The following RNF40 variants were observed in gnomAD, a reference collection of about 807,000 sequenced individuals.
The protein encoded by RNF40 is ring finger protein 40.
Under a neutral mutation model 123.3 loss-of-function variants are expected in RNF40, and 39 were observed. The observed-to-expected ratio is 0.32, with a 90% CI of 0.24 to 0.41. The LOEUF is 0.41. Ranked by LOEUF, RNF40 falls within the 10% of genes least tolerant of loss-of-function variation. The pLI is 1.00. For synonymous variants in RNF40, 538 were observed against 526.0 expected (o/e 1.02, Z -0.31); for missense variants, 1,003 against 1,319.9 (o/e 0.76, Z 3.72).
Position 30,769,312 on chromosome 16 carries a change from G to A in RNF40, c.2374G>A (p.Glu792Lys). The part of the protein sequence containing the change: ...KDDANFKLMS[E>K]RIKANQIHKL... ...TGATGCCAACTTTAAGCTAATGTCAGAGCGGATCAAGGCCAACCAGATTCA... is the reference window on the plus strand; with the variant it reads ...TGATGCCAACTTTAAGCTAATGTCAAAGCGGATCAAGGCCAACCAGATTCA... The change falls in exon 16 of 20, where the codon GAG (glutamate) becomes AAG (lysine). Residue 792 changes from glutamate (E) to lysine (K), a missense_variant. Glu to Lys is a moderately conservative substitution (Grantham distance 56). Around this residue, in one of 11 missense-constraint regions of RNF40, gnomAD observed 25 missense variants for 72.6 expected, o/e 0.34. Transcript: ENST00000324685. 6.2e-7 allele frequency: 1 copy of A among 1,614,254 alleles called. No homozygotes were observed. The highest frequency in any genetic ancestry group is 8.5e-7 in the Non-Finnish European group (1 of 1,180,048).
rs1428590047 is a variant in RNF40 at position 30,771,973 on chromosome 16, G to A, written c.2727G>A (p.Gln909=). Residue 909 remains glutamine, a splice_region_variant and synonymous_variant, in exon 18 of 20, where the codon CAG becomes CAA. Transcript: ENST00000324685. ...EKESFNLKRA[Q]EDISRLRRKL... Reference sequence around the variant, plus strand: ...AGAGCTTCAACCTCAAGAGGGCTCAGGTGTGTGCAGGGGTGAGGGGCCAGG... The same window carrying A: ...AGAGCTTCAACCTCAAGAGGGCTCAAGTGTGTGCAGGGGTGAGGGGCCAGG... 2 of 1,592,480 alleles carry A rather than the reference G, an allele frequency of 1.3e-6. No individual in the cohort carries two copies. Among genetic ancestry groups the A allele is most frequent in the East Asian group, 2.2e-5 (1 of 44,630 alleles).
Position 30,766,112 on chromosome 16 carries a change from C to G in RNF40, c.994-51C>G. 6.2e-7 allele frequency: 1 copy of G among 1,612,010 alleles called. No homozygotes were observed. The highest frequency in any genetic ancestry group is 8.5e-7 in the Non-Finnish European group (1 of 1,179,230). ...TGTATGCTGGGGATGTAAGGGAGGC[C>G]TGCTGCCACGTCTGGCCCTGCCTCC... On this transcript the variant is annotated intron_variant, in intron 8 of 19. Coordinates refer to ENST00000324685, the MANE Select transcript of RNF40 (RefSeq NM_014771.4). The surrounding 1 kb of genome is among the most constrained non-coding windows in gnomAD (Gnocchi z 5.4).
intron 19 of RNF40, among the ~76,000 whole-genome samples, chr16:30,773,031 G>A (rs1201161321): frequency 6.6e-6 from 1 of 152,180 alleles, no homozygotes; most frequent in Non-Finnish European, 1.5e-5. Flanking sequence ...GTACCATTTA[G>A]GGGGTTAGGA....
upstream of RNF40, chr16:30,762,251 T>G (rs2053853247): frequency 4.8e-6 from 2 of 419,546 alleles, no homozygotes; most frequent in South Asian, 8.9e-5. Context: ...CGGGGCTGCC[T>G]TTGGCGCCTG....
In RNF40 at chr16:30,768,826, C is replaced by T. The variant is rs1270870769; in HGVS notation, c.2098-12C>T. ...GCAGTGTCAAGAGAGTTTCTTCTTC[C>T]CTGTGCTATAGGTTGATGAGCTGCG... On this transcript the variant is annotated splice_polypyrimidine_tract_variant and intron_variant, in intron 14 of 19. Coordinates refer to ENST00000324685, the MANE Select transcript of RNF40 (RefSeq NM_014771.4). The surrounding 1 kb of genome is among the most constrained non-coding windows in gnomAD (Gnocchi z 4.1). 6.2e-7 allele frequency: 1 copy of T among 1,614,202 alleles called. No individual in the cohort carries two copies. Among genetic ancestry groups the T allele is most frequent in the Non-Finnish European group, 8.5e-7 (1 of 1,180,032 alleles).
chr16:30,766,373 C>T lies in RNF40; in HGVS notation c.1114-6C>T, dbSNP rs1444195027. The T allele has an allele frequency of 6.2e-7, 1 of 1,612,180 alleles. No individual in the cohort carries two copies. Among genetic ancestry groups the T allele is most frequent in the African/African-American group, 1.3e-5 (1 of 74,908 alleles). On this transcript the variant is annotated splice_region_variant and splice_polypyrimidine_tract_variant and intron_variant, in intron 9 of 19. Coordinates refer to ENST00000324685, the MANE Select transcript of RNF40 (RefSeq NM_014771.4). This position sits in a 1 kb window ranked among gnomAD's most constrained non-coding sequence, Gnocchi z 5.4. The stretch of plus-strand genomic sequence containing the variant: ...TGCTGATCCCATTTGGGCATCCCTG[C>T]CCCAGGTGGCCCTGCGGAGCCTTCC...
intron 19 of RNF40, among the ~76,000 whole-genome samples, chr16:30,772,985 C>A (rs2054173817): frequency 6.6e-6 from 1 of 152,054 alleles, no homozygotes; most frequent in Admixed American, 6.5e-5. Context: ...TGGAGGACTC[C>A]TGGTTTCCTG....
At position 30,766,705 on chromosome 16, in the gene RNF40, A is replaced by T; in HGVS notation, c.1294-36A>T. On this transcript the variant is annotated intron_variant, in intron 10 of 19. Transcript: ENST00000324685. The surrounding 1 kb of genome is among the most constrained non-coding windows in gnomAD (Gnocchi z 5.4). The stretch of plus-strand genomic sequence containing the variant: ...GATACTGAGTCCTGAGGTGGGACCG[A>T]GGGGCTGTGTGGGTCCTTAACACAT... 6.2e-7 allele frequency: 1 copy of T among 1,612,730 alleles called. No homozygotes were observed. The highest frequency in any genetic ancestry group is 1.3e-5 in the African/African-American group (1 of 74,972).
chr16:30,774,653 T>G lies in RNF40; in HGVS notation c.*539T>G. ...AGTTCCCTGGACACCTTGGTCTGGC[T>G]CTTGTGCCAAGGGCTGAAGGAGGTA... On this transcript the variant is annotated 3_prime_UTR_variant, in exon 20 of 20. Transcript: ENST00000324685. The G allele has an allele frequency of 3.4e-6, 1 of 295,572 alleles. No homozygotes were observed. The highest frequency in any genetic ancestry group is 3.0e-5 in the South Asian group (1 of 32,892). 18.3% of individuals were successfully genotyped at this position (295,572 alleles called of 1,614,324 possible).
Position 30,766,372 on chromosome 16 carries a change from G to C in RNF40, c.1114-7G>C, listed in dbSNP as rs1363042740. 6.2e-7 allele frequency: 1 copy of C among 1,612,288 alleles called. No homozygotes were observed. Among genetic ancestry groups the C allele is most frequent in the African/African-American group, 1.3e-5 (1 of 74,922 alleles). On this transcript the variant is annotated splice_region_variant and splice_polypyrimidine_tract_variant and intron_variant, in intron 9 of 19. Coordinates refer to ENST00000324685, the MANE Select transcript of RNF40 (RefSeq NM_014771.4). This position sits in a 1 kb window ranked among gnomAD's most constrained non-coding sequence, Gnocchi z 5.4. ...TTGCTGATCCCATTTGGGCATCCCT[G>C]CCCCAGGTGGCCCTGCGGAGCCTTC...
At chr16:30,770,788 T>C (rs1350778015) in intron 17 of RNF40, among the ~76,000 whole-genome samples, 1 of 152,190 alleles carries the variant, frequency 6.6e-6, no homozygotes, top group Non-Finnish European at 1.5e-5. Flanking sequence ...CTCAGTTCAC[T>C]GCAACCTCCG....
chr16:30,763,949 A>G (rs1194647686), intron 4 of RNF40, among the ~76,000 whole-genome samples: 1 of 152,202 alleles, frequency 6.6e-6, no homozygotes, highest in Non-Finnish European at 1.5e-5. Context: ...TTATATTGGT[A>G]AAGTACAGGA....
chr16:30,772,146 G>T lies in RNF40; in HGVS notation c.2785G>T (p.Ala929Ser). ...AAAGCAGAGGAAGGTGGAGGTCTAC[G>T]CAGATGCCGACGAAATCCTCCAGGA... ...LEKQRKVEVY[A>S]DADEILQEEI... Residue 929 changes from alanine to serine, a missense_variant, in exon 19 of 20, where the codon GCA becomes TCA. Around this residue, in one of 11 missense-constraint regions of RNF40, gnomAD observed 76 missense variants for 134.1 expected, o/e 0.57. Transcript: ENST00000324685. The T allele has an allele frequency of 6.4e-7, 1 of 1,554,184 alleles. No homozygotes were observed. The highest frequency in any genetic ancestry group is 1.2e-5 in the South Asian group (1 of 84,322).
chr16:30,774,226 AG>A lies in RNF40; in HGVS notation c.*113del. Reference sequence around the variant, plus strand: ...CCTCCATTCCGGACCCCATGGGCCCAGCCCCTGCCCATCTAGTTGGTTTGGG... The same window carrying A: ...CCTCCATTCCGGACCCCATGGGCCCACCCCTGCCCATCTAGTTGGTTTGGG... On this transcript the variant is annotated 3_prime_UTR_variant, in exon 20 of 20. Transcript: ENST00000324685. 2.6e-6 allele frequency: 3 copies of A among 1,161,034 alleles called. No homozygotes were observed. Among genetic ancestry groups the A allele is most frequent in the Non-Finnish European group, 3.6e-6 (3 of 834,806 alleles). The allele number at this position is 1,161,034 out of a possible 1,614,324, so 71.9% of individuals were successfully genotyped here. A position where few individuals can be genotyped will look rare whatever the true frequency, so the allele number is the denominator to read the frequency against.
Position 30,767,890 on chromosome 16 carries a change from C to T in RNF40, c.1430-4C>T, listed in dbSNP as rs1040811528. ...GACACCTTTACTTGCTGATGCTCCT[C>T]CAGGGCCCATCAACCGTGAGATGCG... On this transcript the variant is annotated splice_polypyrimidine_tract_variant and splice_region_variant and intron_variant, in intron 11 of 19. Transcript: ENST00000324685. 6.2e-7 allele frequency: 1 copy of T among 1,614,040 alleles called. No individual in the cohort carries two copies. The highest frequency in any genetic ancestry group is 1.7e-5 in the Admixed American group (1 of 60,004).
At chr16:30,765,361 G>A (rs2054008419) in intron 7 of RNF40, 34 bp downstream of exon 7, 4 of 1,614,002 alleles carry the variant, frequency 2.5e-6, no homozygotes, top group South Asian at 1.1e-5. Context: ...GTGAGGCAAG[G>A]CTGGGCCCTT....
rs2054036820 is a variant in RNF40 at position 30,766,605 on chromosome 16, T to C, written c.1293+47T>C. ...TAGGGCTGGGCTAAGGGCCAAACCG[T>C]TAGTGTTGACGTGTTTGTGCCTTCC... On this transcript the variant is annotated intron_variant, in intron 10 of 19. Coordinates refer to ENST00000324685, the MANE Select transcript of RNF40 (RefSeq NM_014771.4). This position sits in a 1 kb window ranked among gnomAD's most constrained non-coding sequence, Gnocchi z 5.4. The C allele has an allele frequency of 4.4e-6, 7 of 1,585,820 alleles. No homozygotes were observed. Among genetic ancestry groups the C allele is most frequent in the Non-Finnish European group, 6.0e-6 (7 of 1,163,866 alleles).
chr16:30,766,380 T>C lies in RNF40; in HGVS notation c.1115T>C (p.Val372Ala). Residue 372 changes from valine (V) to alanine (A), a missense_variant and splice_region_variant, in exon 10 of 20, where the codon GTG (valine) becomes GCG (alanine). Val to Ala is a moderately conservative substitution (Grantham distance 64, BLOSUM62 0). This residue lies in a region of RNF40 where 274 missense variants were observed against 356.9 expected (regional missense o/e 0.77). Transcript: ENST00000324685. This position sits in a 1 kb window ranked among gnomAD's most constrained non-coding sequence, Gnocchi z 5.4. ...CCCATTTGGGCATCCCTGCCCCAGG[T>C]GGCCCTGCGGAGCCTTCCTGAGGAG... ...GAVRTNERLK[V>A]ALRSLPEEVV... 1 of 1,612,588 alleles carries C rather than the reference T, an allele frequency of 6.2e-7. No homozygotes were observed. The highest frequency in any genetic ancestry group is 8.5e-7 in the Non-Finnish European group (1 of 1,178,894).
At chr16:30,770,004 A>G (rs2054118620) in intron 17 of RNF40, among the ~76,000 whole-genome samples, 1 of 152,042 alleles carries the variant, frequency 6.6e-6, no homozygotes, top group Non-Finnish European at 1.5e-5. Flanking sequence ...GCAGGCTGAC[A>G]GGTGAGAGGA....
Sources: allele counts gnomAD v4.1 joint callset (sites outside exome capture counted in the v4.1 genomes callset), GRCh38; gene constraint gnomAD v4.1.1; regional missense constraint gnomAD v4.1.1; non-coding constraint Gnocchi (gnomAD v3.1); transcripts MANE v1.5; gene names NCBI Gene and HGNC (gene_info 2026-07-23, HGNC 2026-07-21).